Variants in SLIT2 observed in about 807,000 individuals in gnomAD.
SLIT2 encodes slit guidance ligand 2.
In SLIT2, 41 loss-of-function variants were observed where a neutral mutation model predicts 185.7. That is an observed-to-expected ratio of 0.22 (90% CI 0.17 to 0.29). SLIT2 has a LOEUF of 0.29. Ranked by LOEUF, SLIT2 falls within the 10% of genes least tolerant of loss-of-function variation. The probability of loss-of-function intolerance (pLI) is 1.00; values close to 1 mark genes in which losing one functional copy is unlikely to be tolerated. For synonymous variants in SLIT2, 693 were observed against 680.2 expected, an observed-to-expected ratio of 1.02 and a Z score of -0.29; for missense variants, 1,571 against 1,909.0, an observed-to-expected ratio of 0.82 and a Z score of 3.30.
rs539089056 is a variant in SLIT2 at position 20,435,549 on chromosome 4, T to C, written c.396-32203T>C. Among the ~76,000 whole-genome samples the C allele has an allele frequency of 2.6e-5, 4 of 151,908 alleles. No homozygotes were observed. The South Asian group carries it at 8.3e-4, about 32-fold the overall frequency. ...AGGGACTAAACATCATGGACTGGAG[T>C]GGTTGAGAAGGGCCACATTGAATTG... is the stretch of plus-strand genomic sequence containing the variant. On this transcript the variant is annotated intron_variant, in intron 4 of 36. Coordinates refer to ENST00000504154, the MANE Select transcript of SLIT2 (RefSeq NM_004787.4).
At chr4:20,332,969 C>G (rs1378972071) in intron 4 of SLIT2, among the ~76,000 whole-genome samples, 1 of 152,028 alleles carries the variant, frequency 6.6e-6, no homozygotes, top group African/African-American at 2.4e-5. Flanking sequence ...AAAGAAAGGA[C>G]ATAATATTTT....
At chr4:20,570,962 C>T (rs1245994370) in intron 29 of SLIT2, among the ~76,000 whole-genome samples, 1 of 151,602 alleles carries the variant, frequency 6.6e-6, no homozygotes, top group Non-Finnish European at 1.5e-5. Context: ...CCTTCATTTC[C>T]CCAGCTCCCT....
chr4:20,298,470 T>G (rs1716718116), intron 4 of SLIT2, among the ~76,000 whole-genome samples: 1 of 152,084 alleles, frequency 6.6e-6, no homozygotes, highest in Non-Finnish European at 1.5e-5. Context: ...TGTCCTTTTC[T>G]TTTGTGCCTC....
intron 29 of SLIT2, among the ~76,000 whole-genome samples, chr4:20,583,384 G>A (rs1421996502): frequency 6.6e-6 from 1 of 152,136 alleles, no homozygotes; most frequent in East Asian, 1.9e-4. Flanking sequence ...GAGCTTTGTA[G>A]AATAGTTCTA....
chr4:20,490,766 T>G (rs1717713840), intron 8 of SLIT2: 2 of 1,458,262 alleles, frequency 1.4e-6, no homozygotes, highest in South Asian at 2.4e-5. Flanking sequence ...TACTAACCAC[T>G]TTTTTCTCTC....
chr4:20,366,676 G>A (rs1191026617), intron 4 of SLIT2, among the ~76,000 whole-genome samples: 1 of 152,124 alleles, frequency 6.6e-6, no homozygotes, highest in Non-Finnish European at 1.5e-5. Flanking sequence ...GAAGTGAATG[G>A]ATAAATGGGA....
At chr4:20,511,271 T>G (rs911125138) in intron 11 of SLIT2, 134 bp downstream of exon 11, 2 of 559,088 alleles carry the variant, frequency 3.6e-6, no homozygotes, top group East Asian at 5.7e-5. Flanking sequence ...TTAATTATTA[T>G]TAACCACTTC....
intron 34 of SLIT2, among the ~76,000 whole-genome samples, chr4:20,614,338 A>G (rs182799472): frequency 3.2e-4 from 49 of 152,290 alleles, no homozygotes; most frequent in Admixed American, 2.8e-3. Flanking sequence ...TAGGCTTGAT[A>G]CTTGGTCTCT....
At chr4:20,520,993 G>A (rs1199593763) in intron 12 of SLIT2, among the ~76,000 whole-genome samples, 1 of 152,162 alleles carries the variant, frequency 6.6e-6, no homozygotes, top group East Asian at 1.9e-4. Context: ...TGTACCCATT[G>A]TAGATATAGC....
intron 4 of SLIT2, among the ~76,000 whole-genome samples, chr4:20,425,785 G>C (rs1341291387): frequency 6.6e-6 from 1 of 152,148 alleles, no homozygotes; most frequent in East Asian, 1.9e-4. Flanking sequence ...TGAGAAAGTG[G>C]TACTTTTGCT....
chr4:20,463,760 C>T (rs1013443844), intron 4 of SLIT2, among the ~76,000 whole-genome samples: 5 of 150,362 alleles, frequency 3.3e-5, no homozygotes, highest in African/African-American at 1.2e-4. Context: ...CCTGTAGTCC[C>T]AGCTACTTGG....
chr4:20,304,604 G>GT (rs1171227409), intron 4 of SLIT2, among the ~76,000 whole-genome samples: 1 of 152,114 alleles, frequency 6.6e-6, no homozygotes, highest in Non-Finnish European at 1.5e-5. Flanking sequence ...AATACTTGTG[G>GT]TTAGAGTGCA....
intron 4 of SLIT2, among the ~76,000 whole-genome samples, chr4:20,297,644 G>A (rs531974800): frequency 5.3e-5 from 8 of 151,936 alleles, no homozygotes; most frequent in African/African-American, 1.9e-4. Context: ...AATTTAAGTT[G>A]TTAAGAGATG....
intron 9 of SLIT2, among the ~76,000 whole-genome samples, chr4:20,492,371 A>G (rs549419610): frequency 6.6e-6 from 1 of 152,378 alleles, no homozygotes; most frequent in South Asian, 2.1e-4. Context: ...AAAGGATAAC[A>G]TAAAGTCAAA....
At chr4:20,287,701 G>T (rs943368357) in intron 4 of SLIT2, among the ~76,000 whole-genome samples, 3 of 152,088 alleles carry the variant, frequency 2.0e-5, no homozygotes, top group Non-Finnish European at 4.4e-5. Flanking sequence ...ATGTAAAAAT[G>T]ATCATATAGT....
chr4:20,426,589 G>C (rs1468370233), intron 4 of SLIT2, among the ~76,000 whole-genome samples: 1 of 152,088 alleles, frequency 6.6e-6, no homozygotes, highest in Non-Finnish European at 1.5e-5. Context: ...AAAATTGTAA[G>C]GAACACATAT....
rs773335809 is a variant in SLIT2 at position 20,523,740 on chromosome 4, A to G, written c.1131-20A>G. Reference sequence around the variant, plus strand: ...TAATAAGATGCTACACTTTAATTCTACAACTATTTAATCAAACAGATTATT... The same window carrying G: ...TAATAAGATGCTACACTTTAATTCTGCAACTATTTAATCAAACAGATTATT... On this transcript the variant is annotated intron_variant, in intron 12 of 36. Coordinates refer to ENST00000504154, the MANE Select transcript of SLIT2 (RefSeq NM_004787.4). 4.5e-5 allele frequency: 73 copies of G among 1,610,568 alleles called. No individual in the cohort carries two copies. The highest frequency in any genetic ancestry group is 6.2e-5 in the Non-Finnish European group (73 of 1,177,160).
chr4:20,454,867 T>C lies in SLIT2; in HGVS notation c.396-12885T>C, dbSNP rs116836348. On this transcript the variant is annotated intron_variant, in intron 4 of 36. Transcript: ENST00000504154. ...TAGCAGCATTGCAGTATTGGCTCTTTTGTTAAAAGCTGATGCAATATTTCA... is the reference window on the plus strand; with the variant it reads ...TAGCAGCATTGCAGTATTGGCTCTTCTGTTAAAAGCTGATGCAATATTTCA... Among the ~76,000 whole-genome samples the C allele has an allele frequency of 4.0e-3, 613 of 152,280 alleles. 3 individuals carry two copies. The highest frequency in any genetic ancestry group is 0.014 in the African/African-American group (575 of 41,574).
chr4:20,457,913 T>A (rs564735037), intron 4 of SLIT2, among the ~76,000 whole-genome samples: 12 of 152,238 alleles, frequency 7.9e-5, no homozygotes, highest in African/African-American at 2.4e-4. Context: ...ATGGGAACCA[T>A]GACACAACAG....
Sources: gnomAD v4.1 joint callset for allele counts (sites outside exome capture counted in the v4.1 genomes callset) on GRCh38, gnomAD v4.1.1 for gene constraint, MANE v1.5 for transcripts, NCBI Gene and HGNC (gene_info 2026-07-23, HGNC 2026-07-21) for gene names.